Variants in ANKAR observed in about 807,000 individuals in gnomAD.
ANKAR encodes the protein ankyrin and armadillo repeat containing, also known as ankyrin and armadillo repeat-containing protein.
A neutral mutation model predicts 146.2 loss-of-function variants in ANKAR; 136 were observed. The ratio of observed to expected loss-of-function variants is 0.93; its 90% CI spans 0.81 to 1.07. ANKAR has a LOEUF of 1.07. Ranked by LOEUF, ANKAR falls within the 50% of genes least tolerant of loss-of-function variation. ANKAR has a pLI of 0.00. For synonymous variants in ANKAR, 500 were observed against 575.8 expected, an observed-to-expected ratio of 0.87 and a Z score of 1.88; for missense variants, 1,567 against 1,679.9, an observed-to-expected ratio of 0.93 and a Z score of 1.18.
chr2:189,730,580 T>A lies in ANKAR; in HGVS notation c.3279T>A (p.Asn1093Lys). 6.3e-7 allele frequency: 1 copy of A among 1,588,630 alleles called. No homozygotes were observed. Among genetic ancestry groups the A allele is most frequent in the Non-Finnish European group, 8.6e-7 (1 of 1,161,836 alleles). ...CAGTACTTATCCAACTACTAAGAAA[T>A]CACCCTTCTCCTAACATTAAGGTAT... ...AFPVLIQLLRNHPSPNIKVEV... is the reference protein window; with the variant it reads ...AFPVLIQLLRKHPSPNIKVEV... The change falls in exon 16 of 23, where the codon AAT (asparagine) becomes AAA (lysine). Residue 1093 changes from asparagine to lysine, a missense_variant. By Grantham distance (94) the Asn-to-Lys change is moderately conservative (BLOSUM62 0). Transcript: ENST00000684021.
downstream of ANKAR, chr2:189,762,816 C>G (rs748252803): frequency 4.9e-5 from 48 of 985,338 alleles, no homozygotes; most frequent in Non-Finnish European, 5.4e-5. Flanking sequence ...TGCAAGGTCC[C>G]GTCCAGAGCT....
intron 8 of ANKAR, 57 bp downstream of exon 8, chr2:189,705,281 AAAAAG>A: frequency 6.6e-7 from 1 of 1,522,952 alleles, no homozygotes; most frequent in Non-Finnish European, 8.9e-7. Flanking sequence ...ATAATAAAAA[AAAAAG>A]AAGAAAGAAA....
rs1574872056 is a variant in ANKAR, at chr2:189,754,301, G to A, written c.*585-6797G>A. The stretch of plus-strand genomic sequence containing the variant: ...GTTCTATGGCTTTCCCACCACTCAT[G>A]GTGGAGCACTCTGGATGTTTTATTA... On this transcript the variant is annotated intron_variant and NMD_transcript_variant, in intron 18 of 18. Transcript: ENST00000441800. The A allele has an allele frequency of 2.5e-6, 4 of 1,613,588 alleles. No individual in the cohort carries two copies. In the East Asian group the frequency reaches 8.9e-5, roughly 36 times the overall value.
chr2:189,743,198 T>A, intron 20 of ANKAR, 77 bp from the exon 21 acceptor site: 1 of 1,414,558 alleles, frequency 7.1e-7, no homozygotes, highest in East Asian at 2.3e-5. Flanking sequence ...GACTTTCCTA[T>A]GAAATAGCTA....
chr2:189,743,546 T>G, intron 21 of ANKAR, 72 bp downstream of exon 21: 1 of 1,349,174 alleles, frequency 7.4e-7, no homozygotes, highest in South Asian at 1.3e-5. Flanking sequence ...TTTAGTAAGA[T>G]CCAACAAGAG....
At chr2:189,699,146 C>T (rs960943937) in intron 7 of ANKAR, among the ~76,000 whole-genome samples, 1 of 152,084 alleles carries the variant, frequency 6.6e-6, no homozygotes, top group Non-Finnish European at 1.5e-5. Context: ...GAGGGGTGTA[C>T]ATTTTATTGG....
At chr2:189,682,076 G>A (rs936560507) in intron 2 of ANKAR, among the ~76,000 whole-genome samples, 3 of 152,120 alleles carry the variant, frequency 2.0e-5, no homozygotes, top group Admixed American at 6.5e-5. Flanking sequence ...TGGGGATAGT[G>A]CTGGGTGTGT....
intron 15 of ANKAR, among the ~76,000 whole-genome samples, chr2:189,729,976 G>C (rs1308246611): frequency 6.6e-6 from 1 of 150,822 alleles, no homozygotes; most frequent in Non-Finnish European, 1.5e-5. Context: ...ATTGCAAGGA[G>C]TGGAAAAAAA....
In ANKAR at chr2:189,756,389, G is replaced by T. The variant is rs143398002; in HGVS notation, c.*585-4709G>T. On this transcript the variant is annotated intron_variant and NMD_transcript_variant, in intron 18 of 18. Transcript: ENST00000441800. Reference sequence around the variant, plus strand: ...GAACTGGAGCAATAAAATAGAGTCTGCAAAACGCACTGCTAGTTTCAAAAA... The same window carrying T: ...GAACTGGAGCAATAAAATAGAGTCTTCAAAACGCACTGCTAGTTTCAAAAA... Among the ~76,000 whole-genome samples the T allele has an allele frequency of 4.6e-3, 697 of 152,168 alleles. 4 individuals carry two copies. The highest frequency in any genetic ancestry group is 0.016 in the African/African-American group (654 of 41,514).
intron 17 of ANKAR, among the ~76,000 whole-genome samples, chr2:189,734,847 C>G (rs1384613388): frequency 6.6e-6 from 1 of 151,934 alleles, no homozygotes; most frequent in Admixed American, 6.6e-5. Flanking sequence ...GCCTGTAGTC[C>G]TAGCTACTTG....
chr2:189,741,937 C>T (rs7607109), intron 20 of ANKAR, among the ~76,000 whole-genome samples: 9 of 152,094 alleles, frequency 5.9e-5, no homozygotes, highest in African/African-American at 1.7e-4. Flanking sequence ...TAATGAAAAC[C>T]GGTGACTCTG....
intron 3 of ANKAR, among the ~76,000 whole-genome samples, chr2:189,690,803 G>T (rs1164385929): frequency 6.6e-6 from 1 of 152,288 alleles, no homozygotes; most frequent in East Asian, 1.9e-4. Context: ...ATGTATAGAA[G>T]TAGGAGGGAC....
At chr2:189,725,311 CACACAT>C (rs1415729041) in intron 12 of ANKAR, among the ~76,000 whole-genome samples, 315 of 122,430 alleles carry the variant, frequency 2.6e-3, no homozygotes, top group East Asian at 0.023. Flanking sequence ...CACACACACA[CACACAT>C]ATATATGATC....
chr2:189,745,561 T>C (rs1400359322), intron 22 of ANKAR, among the ~76,000 whole-genome samples: 1 of 152,182 alleles, frequency 6.6e-6, no homozygotes, highest in African/African-American at 2.4e-5. Context: ...CCAGATCTCA[T>C]ATTATTTATC....
rs377086301 is a variant in ANKAR at position 189,689,569 on chromosome 2, A to G, written c.644A>G (p.Tyr215Cys). Residue 215 changes from tyrosine (Y) to cysteine (C), a missense_variant, in exon 3 of 23, where the codon TAT becomes TGT. Coordinates refer to ENST00000684021, the MANE Select transcript of ANKAR (RefSeq NM_001378068.1). ...ITKDPDFNEIYDEDVNEDPTY... is the reference protein window; with the variant it reads ...ITKDPDFNEICDEDVNEDPTY... ...AAGGATCCAGACTTTAATGAAATCT[A>G]TGATGAAGACGTGAATGAAGATCCA... 4.0e-5 allele frequency: 64 copies of G among 1,607,706 alleles called. No homozygotes were observed. The highest frequency in any genetic ancestry group is 5.4e-5 in the Non-Finnish European group (63 of 1,177,566).
At chr2:189,691,777 AT>A (rs2036449854) in intron 3 of ANKAR, among the ~76,000 whole-genome samples, 1 of 151,346 alleles carries the variant, frequency 6.6e-6, no homozygotes, top group Admixed American at 6.6e-5. Flanking sequence ...TAATATATGT[AT>A]TTGAGACAGG....
chr2:189,676,644 G>T lies in ANKAR; in HGVS notation c.154G>T (p.Val52Phe). 6.2e-7 allele frequency: 1 copy of T among 1,614,168 alleles called. No individual in the cohort carries two copies. The highest frequency in any genetic ancestry group is 8.5e-7 in the Non-Finnish European group (1 of 1,180,032). The part of the protein sequence containing the change: ...EIQELLTTAL[V>F]SWLSAKEDVR... ...ACAAGAGTTACTAACTACTGCACTA[G>T]TTAGCTGGTTGTCTGCCAAAGAGGA... is the stretch of plus-strand genomic sequence containing the variant. Residue 52 changes from valine (V) to phenylalanine (F), a missense_variant, in exon 2 of 23, where the codon GTT (valine) becomes TTT (phenylalanine). Physicochemically the swap from Val to Phe is conservative, Grantham distance 50 (BLOSUM62 -1). Transcript: ENST00000684021.
At chr2:189,686,091 T>G (rs1351268606) in intron 2 of ANKAR, among the ~76,000 whole-genome samples, 4 of 152,160 alleles carry the variant, frequency 2.6e-5, no homozygotes, top group African/African-American at 9.7e-5. Context: ...TTTTTAGACT[T>G]CTTTAAACTG....
At chr2:189,760,431 C>G (rs1277836329) in intron 18 of ANKAR, among the ~76,000 whole-genome samples, 1 of 152,192 alleles carries the variant, frequency 6.6e-6, no homozygotes, top group East Asian at 1.9e-4. Context: ...GCGCCCCCCA[C>G]CTCCCAAGAG....
Sources: allele counts gnomAD v4.1 joint callset (sites outside exome capture counted in the v4.1 genomes callset), GRCh38; gene constraint gnomAD v4.1.1; transcripts MANE v1.5; gene names NCBI Gene and HGNC (gene_info 2026-07-23, HGNC 2026-07-21).